The following MPDZ variants were observed in gnomAD, a reference collection of about 807,000 sequenced individuals.
The protein encoded by MPDZ is multiple PDZ domain protein.
MPDZ carries 234 observed loss-of-function variants against 239.1 expected under a neutral mutation model. The observed-to-expected ratio is 0.98, with a 90% CI of 0.88 to 1.09. The LOEUF is 1.09. Ranked by LOEUF, MPDZ falls within the 50% of genes least tolerant of loss-of-function variation. The pLI, the probability that MPDZ is intolerant of heterozygous loss-of-function variation, is 0.00. For synonymous variants in MPDZ, 1,048 were observed against 881.3 expected (o/e 1.19, Z -3.35); for missense variants, 3,175 against 2,510.0 (o/e 1.26, Z -5.66).
chr9:13,267,926 G>A lies in MPDZ; in HGVS notation c.-58+11474C>T, dbSNP rs1321599941. 2.0e-5 allele frequency among the ~76,000 whole-genome samples: 3 copies of A among 152,248 alleles called. No homozygotes were observed. In the East Asian group the frequency reaches 5.8e-4, roughly 29 times the overall value. ...ATCTGATCTCAAAGGAAGAACTTCA[G>A]CTCCCTTTTCCTTCACGCACAAAGT... On this transcript the variant is annotated intron_variant, in intron 1 of 46. Transcript: ENST00000319217.
At chr9:13,194,385 T>A (rs978466707) in intron 13 of MPDZ, among the ~76,000 whole-genome samples, 1 of 152,092 alleles carries the variant, frequency 6.6e-6, no homozygotes, top group Non-Finnish European at 1.5e-5. Flanking sequence ...AATTAGTTCA[T>A]GTCCTTTGCA....
rs370705865 is a variant in MPDZ, at chr9:13,272,641, T to A, written c.-58+6759A>T. Among the ~76,000 whole-genome samples, 12 of 147,142 alleles carry A rather than the reference T, an allele frequency of 8.2e-5. No homozygotes were observed. In the East Asian group the frequency reaches 2.2e-3, roughly 27 times the overall value. On this transcript the variant is annotated intron_variant, in intron 1 of 46. Transcript: ENST00000319217. ...TGGAGGCTGAGGCGGGGAGATCACC[T>A]GACCTGAGGTCAGGCGTTCAAGACC...
At position 13,193,162 on chromosome 9, in the gene MPDZ, CT is replaced by C; in HGVS notation, c.1803+4del. The C allele has an allele frequency of 6.4e-7, 1 of 1,568,788 alleles. No individual in the cohort carries two copies. On this transcript the variant is annotated splice_donor_region_variant and intron_variant, in intron 14 of 46. Coordinates refer to ENST00000319217, the MANE Select transcript of MPDZ (RefSeq NM_001378778.1). ...AGGAGGAGAAGGAACAGCATAGCTC[CT>C]TACTTCCAATAGCTCGTCTCCACTG...
Position 13,224,394 on chromosome 9 carries a change from G to T in MPDZ, c.373C>A (p.Leu125Ile). The T allele has an allele frequency of 6.2e-7, 1 of 1,612,134 alleles. No individual in the cohort carries two copies. ...CTTACCTGGGCCATATTTTTGATAA[G>T]CTGATCAAATTCATCACAAGCAGGT... is the stretch of plus-strand genomic sequence containing the variant. ...GKPACDEFDQ[L>I]IKNMAQGRHV... is the part of the protein sequence containing the mutation. Residue 125 changes from leucine (L) to isoleucine (I), a missense_variant, in exon 4 of 47, where the codon CTT becomes ATT. Coordinates refer to ENST00000319217, the MANE Select transcript of MPDZ (RefSeq NM_001378778.1).
In MPDZ at chr9:13,236,113, C is replaced by A. The variant is rs949626560; in HGVS notation, c.183+11522G>T. Among the ~76,000 whole-genome samples, 8 of 148,494 alleles carry A rather than the reference C, an allele frequency of 5.4e-5. No individual in the cohort carries two copies. The East Asian group carries it at 1.6e-3, about 29-fold the overall frequency. On this transcript the variant is annotated intron_variant, in intron 3 of 46. Coordinates refer to ENST00000319217, the MANE Select transcript of MPDZ (RefSeq NM_001378778.1). The stretch of plus-strand genomic sequence containing the variant: ...AAGATCTTATTCATTCTTAAAACTA[C>A]GTAATAAGAGATTTTTATTAAAATC...
Position 13,239,836 on chromosome 9 carries a change from C to T in MPDZ, c.183+7799G>A, listed in dbSNP as rs1262578868. Among the ~76,000 whole-genome samples the T allele has an allele frequency of 2.6e-5, 4 of 152,132 alleles. No homozygotes were observed. In the East Asian group the frequency reaches 5.8e-4, roughly 22 times the overall value. ...TTTTATGCTTGTTAAGAACAAATGG[C>T]AAGTGGAATGTAGCATATACCACAG... On this transcript the variant is annotated intron_variant, in intron 3 of 46. Transcript: ENST00000319217.
At chr9:13,141,815 A>C (rs913906797) in intron 27 of MPDZ, among the ~76,000 whole-genome samples, 1 of 152,204 alleles carries the variant, frequency 6.6e-6, no homozygotes, top group Non-Finnish European at 1.5e-5. Flanking sequence ...TTAAGGGCGT[A>C]AGTGTCAGAT....
intron 3 of MPDZ, among the ~76,000 whole-genome samples, chr9:13,240,876 T>A (rs997579584): frequency 3.9e-5 from 6 of 152,084 alleles, no homozygotes; most frequent in Non-Finnish European, 8.8e-5. Flanking sequence ...CTCATTTAGG[T>A]TATAACCAGT....
chr9:13,188,859 A>ACAGCTTC lies in MPDZ; in HGVS notation c.2288_2289insGAAGCTG (p.Ser763ArgfsTer5). 6.2e-7 allele frequency: 1 copy of ACAGCTTC among 1,613,562 alleles called. No individual in the cohort carries two copies. Among genetic ancestry groups the ACAGCTTC allele is most frequent in the Non-Finnish European group, 8.5e-7 (1 of 1,179,606 alleles). ...TCAGTGCTTCTACAGCTTCCTCAAG[A>ACAGCTTC]CTGCTGTTTTCCAAGTTAACATCGT... On this transcript the variant is annotated frameshift_variant, in exon 17 of 47. Coordinates refer to ENST00000319217, the MANE Select transcript of MPDZ (RefSeq NM_001378778.1). LOFTEE classifies it high-confidence loss of function.
intron 1 of MPDZ, among the ~76,000 whole-genome samples, chr9:13,277,466 A>G (rs1258536079): frequency 1.6e-4 from 25 of 152,226 alleles, no homozygotes. Context: ...TTTTGCCTAC[A>G]TTGCACACAA....
chr9:13,209,000 T>G (rs1957314332), intron 10 of MPDZ, among the ~76,000 whole-genome samples: 2 of 152,062 alleles, frequency 1.3e-5, no homozygotes. Flanking sequence ...GACCAGCAAC[T>G]TGGAGGAATT....
intron 1 of MPDZ, among the ~76,000 whole-genome samples, chr9:13,267,232 A>G (rs1441950512): frequency 6.6e-6 from 1 of 152,244 alleles, no homozygotes; most frequent in Non-Finnish European, 1.5e-5. Flanking sequence ...TTTTTAGGCA[A>G]TGAAATTGGC....
At chr9:13,244,969 T>TA (rs972686738) in intron 3 of MPDZ, among the ~76,000 whole-genome samples, 1 of 151,892 alleles carries the variant, frequency 6.6e-6, no homozygotes, top group Admixed American at 6.6e-5. Flanking sequence ...CTAATAATAG[T>TA]AAAAAAGATG....
chr9:13,200,840 A>G (rs924095920), intron 12 of MPDZ, among the ~76,000 whole-genome samples: 1 of 151,964 alleles, frequency 6.6e-6, no homozygotes, highest in Non-Finnish European at 1.5e-5. Flanking sequence ...TATATGGTCT[A>G]GCCTGGAGTA....
chr9:13,172,018 C>T (rs1359919021), intron 21 of MPDZ, among the ~76,000 whole-genome samples: 2 of 152,214 alleles, frequency 1.3e-5, no homozygotes, highest in African/African-American at 4.8e-5. Flanking sequence ...AACCTTCCTA[C>T]ACTAAAGCTT....
intron 8 of MPDZ, among the ~76,000 whole-genome samples, chr9:13,218,165 A>G (rs540063452): frequency 1.3e-5 from 2 of 151,962 alleles, no homozygotes; most frequent in Non-Finnish European, 2.9e-5. Flanking sequence ...ATGAGATATA[A>G]TTTTACAGTA....
chr9:13,124,342 T>C (rs969808344), intron 35 of MPDZ, among the ~76,000 whole-genome samples: 4 of 152,232 alleles, frequency 2.6e-5, no homozygotes, highest in African/African-American at 9.6e-5. Flanking sequence ...TTCGGAGATG[T>C]ATTACTTTAA....
At chr9:13,107,166 C>A in intron 46 of MPDZ, 55 bp from the exon 47 acceptor site, 1 of 1,505,056 alleles carries the variant, frequency 6.6e-7, no homozygotes, top group Admixed American at 1.9e-5. Context: ...CCTTGCAACT[C>A]ACAACAGAAA....
At chr9:13,208,271 C>G (rs189117342) in intron 10 of MPDZ, among the ~76,000 whole-genome samples, 17 of 152,198 alleles carry the variant, frequency 1.1e-4, no homozygotes, top group South Asian at 6.2e-4. Context: ...TGCTGAAACC[C>G]TGTCTCTATA....
Sources: allele counts gnomAD v4.1 joint callset (sites outside exome capture counted in the v4.1 genomes callset), GRCh38; gene constraint gnomAD v4.1.1; transcripts MANE v1.5; gene names NCBI Gene and HGNC (gene_info 2026-07-23, HGNC 2026-07-21).